Variants in SP100 observed in about 807,000 individuals in gnomAD.
The protein encoded by SP100 is nuclear autoantigen Sp-100.
A neutral mutation model predicts 130.0 loss-of-function variants in SP100; 84 were observed. That is an observed-to-expected ratio of 0.65 (90% CI 0.54 to 0.77). The LOEUF (loss-of-function observed/expected upper bound fraction) is 0.77. SP100 is among the 30% of genes least tolerant of loss of function. The pLI is 0.00. For synonymous variants in SP100, 331 were observed against 351.7 expected, an observed-to-expected ratio of 0.94 and a Z score of 0.66; for missense variants, 978 against 1,052.2, an observed-to-expected ratio of 0.93 and a Z score of 0.97.
At chr2:230,440,122 C>G (rs967205168) in intron 2 of SP100, among the ~76,000 whole-genome samples, 1 of 152,058 alleles carries the variant, frequency 6.6e-6, no homozygotes, top group African/African-American at 2.4e-5. Flanking sequence ...CAAGGAAGTC[C>G]ACTCTCATCA....
At chr2:230,418,339 T>C (rs888294926) in intron 2 of SP100, among the ~76,000 whole-genome samples, 7 of 152,216 alleles carry the variant, frequency 4.6e-5, no homozygotes, top group African/African-American at 1.4e-4. Context: ...TCTTAATTGG[T>C]TTCTGTACGC....
chr2:230,502,229 A>C (rs1175323985), intron 19 of SP100, among the ~76,000 whole-genome samples: 2 of 151,980 alleles, frequency 1.3e-5, no homozygotes, highest in Admixed American at 1.3e-4. Flanking sequence ...TTAACCATAC[A>C]ACTCTTAGGC....
At chr2:230,460,411 G>C (rs2064525974) in intron 8 of SP100, among the ~76,000 whole-genome samples, 1 of 148,432 alleles carries the variant, frequency 6.7e-6, no homozygotes, top group Admixed American at 6.9e-5. Context: ...TATTGAGAGA[G>C]AGGTAAAGGG....
intron 17 of SP100, among the ~76,000 whole-genome samples, chr2:230,482,348 G>C (rs2065873777): frequency 6.6e-6 from 1 of 152,054 alleles, no homozygotes; most frequent in Non-Finnish European, 1.5e-5. Context: ...GTTCTTCAGA[G>C]AGTCCCCAGC....
At position 230,539,284 on chromosome 2, in the gene SP100, A is replaced by G. The variant is rs374132365; in HGVS notation, c.2112A>G (p.Ile704Met). Residue 704 changes from isoleucine to methionine, a missense_variant, in exon 25 of 29, where the codon ATA (isoleucine) becomes ATG (methionine). Physicochemically the swap from Ile to Met is conservative, Grantham distance 10 (BLOSUM62 1). Transcript: ENST00000340126. ...CCTTCTAGCCGGAAAACTCAAATAT[A>G]TGTGAGGTGTGCAACAAATGGGGAC... ...LVDPCPENSNICEVCNKWGRL... is the reference protein window; with the variant it reads ...LVDPCPENSNMCEVCNKWGRL... The G allele has an allele frequency of 1.9e-6, 3 of 1,613,550 alleles. No individual in the cohort carries two copies. Among genetic ancestry groups the G allele is most frequent in the African/African-American group, 2.7e-5 (2 of 74,902 alleles).
At chr2:230,542,165 A>C in intron 28 of SP100, 130 bp downstream of exon 28, 2 of 977,670 alleles carry the variant, frequency 2.0e-6, no homozygotes, top group Non-Finnish European at 3.1e-6. Context: ...ACAAGTACAA[A>C]TCCTGGAAGT....
intron 17 of SP100, among the ~76,000 whole-genome samples, chr2:230,489,637 C>T (rs903147343): frequency 5.9e-5 from 9 of 151,942 alleles, no homozygotes; most frequent in Admixed American, 2.0e-4. Flanking sequence ...TCTAGATTTC[C>T]GATGTGGGCA....
At chr2:230,459,519 C>G (rs2064469593) in intron 8 of SP100, among the ~76,000 whole-genome samples, 1 of 152,186 alleles carries the variant, frequency 6.6e-6, no homozygotes. Context: ...TGTTGACTCC[C>G]TTCCCCAATT....
chr2:230,477,731 T>C (rs955434275), intron 17 of SP100, among the ~76,000 whole-genome samples: 2 of 152,240 alleles, frequency 1.3e-5, no homozygotes, highest in African/African-American at 4.8e-5. Context: ...CTCAAGAAGA[T>C]CTCTCCCAAC....
At chr2:230,485,163 G>A (rs1478444924) in intron 17 of SP100, among the ~76,000 whole-genome samples, 1 of 150,742 alleles carries the variant, frequency 6.6e-6, no homozygotes, top group Non-Finnish European at 1.5e-5. Flanking sequence ...ATGTTGCCTA[G>A]GCTGGTCTTG....
chr2:230,497,464 G>A (rs1234466972), intron 18 of SP100, among the ~76,000 whole-genome samples: 5 of 130,320 alleles, frequency 3.8e-5, no homozygotes, highest in Non-Finnish European at 4.9e-5. Flanking sequence ...AAGGATGAAG[G>A]GAAGGAGGGG....
intron 2 of SP100, among the ~76,000 whole-genome samples, chr2:230,436,903 C>T (rs1246364643): frequency 8.0e-6 from 1 of 124,698 alleles, no homozygotes; most frequent in African/African-American, 2.7e-5. Context: ...TGTATACACA[C>T]ACGCATATAT....
chr2:230,473,950 G>A (rs1240460385), intron 16 of SP100, among the ~76,000 whole-genome samples: 1 of 151,214 alleles, frequency 6.6e-6, no homozygotes, highest in Non-Finnish European at 1.5e-5. Context: ...CACAACTTTG[G>A]AAAGGCCTAA....
intron 17 of SP100, among the ~76,000 whole-genome samples, chr2:230,484,660 T>C (rs761162757): frequency 6.6e-6 from 1 of 152,204 alleles, no homozygotes; most frequent in Non-Finnish European, 1.5e-5. Flanking sequence ...GTTGTTATTA[T>C]AAATGAGGTC....
At chr2:230,422,162 T>C (rs887113776) in intron 2 of SP100, among the ~76,000 whole-genome samples, 1 of 152,170 alleles carries the variant, frequency 6.6e-6, no homozygotes, top group Non-Finnish European at 1.5e-5. Flanking sequence ...TTTGAAAAGT[T>C]GTTTCTCTTT....
chr2:230,425,563 G>C (rs757727124), intron 2 of SP100, among the ~76,000 whole-genome samples: 1 of 152,092 alleles, frequency 6.6e-6, no homozygotes, highest in Non-Finnish European at 1.5e-5. Context: ...CACCATTATT[G>C]ATTTACATGT....
Position 230,506,343 on chromosome 2 carries a change from G to T in SP100, c.1911G>T (p.Trp637Cys), listed in dbSNP as rs764894427. The change falls in exon 22 of 29, where the codon TGG (tryptophan) becomes TGT (cysteine). Residue 637 changes from tryptophan (W) to cysteine (C), a missense_variant. Transcript: ENST00000340126. ...GTATACAGAGTGAGGATAAAAAGTG[G>T]TTCACTCCCAGGGAATTTGAAATTG... ...KKCIQSEDKK[W>C]FTPREFEIEG... is the part of the protein sequence containing the mutation. 5.6e-6 allele frequency: 9 copies of T among 1,613,798 alleles called. No individual in the cohort carries two copies. In the Admixed American group the frequency reaches 6.7e-5, roughly 12 times the overall value.
intron 17 of SP100, among the ~76,000 whole-genome samples, chr2:230,484,936 GGTT>G (rs2065996090): frequency 6.6e-6 from 1 of 151,642 alleles, no homozygotes; most frequent in South Asian, 2.1e-4. Flanking sequence ...GGTTTGGTTT[GGTT>G]GTTTTTGGAG....
At chr2:230,484,209 A>C (rs1337746917) in intron 17 of SP100, among the ~76,000 whole-genome samples, 2 of 152,254 alleles carry the variant, frequency 1.3e-5, no homozygotes, top group Non-Finnish European at 2.9e-5. Flanking sequence ...CGCTGAAACA[A>C]GAAGGCAAAG....
Sources: gnomAD v4.1 joint callset for allele counts (sites outside exome capture counted in the v4.1 genomes callset) on GRCh38, gnomAD v4.1.1 for gene constraint, MANE v1.5 for transcripts, NCBI Gene and HGNC (gene_info 2026-07-23, HGNC 2026-07-21) for gene names.